Variants in ZNF140 observed in about 807,000 individuals in gnomAD.
ZNF140 encodes zinc finger protein 140 (clone pHZ-39).
Under a neutral mutation model 12.9 loss-of-function variants are expected in ZNF140, and 13 were observed. That is an observed-to-expected ratio of 1.01 (90% confidence interval 0.66 to 1.60). ZNF140 has a LOEUF of 1.60. Among genes scored for constraint, ZNF140 ranks in the 40% most tolerant of loss-of-function variants. The probability of loss-of-function intolerance (pLI) is 0.00; values close to 1 mark genes in which losing one functional copy is unlikely to be tolerated. For synonymous variants in ZNF140, 214 were observed against 186.7 expected, an observed-to-expected ratio of 1.15 and a Z score of -1.19; for missense variants, 531 against 548.8, an observed-to-expected ratio of 0.97 and a Z score of 0.32.
intron 4 of ZNF140, among the ~76,000 whole-genome samples, chr12:133,089,242 T>G (rs1417979577): frequency 2.6e-5 from 4 of 151,966 alleles, no homozygotes; most frequent in Non-Finnish European, 4.4e-5. Context: ...AGGCAGGGTC[T>G]CACTCTGTTG....
At chr12:133,098,014 A>C (rs1955199245) in intron 4 of ZNF140, among the ~76,000 whole-genome samples, 1 of 152,066 alleles carries the variant, frequency 6.6e-6, no homozygotes, top group Non-Finnish European at 1.5e-5. Flanking sequence ...TTGTATTTTT[A>C]GTAGAGACGG....
At chr12:133,093,275 G>T (rs886392667) in intron 4 of ZNF140, 1 of 577,848 alleles carries the variant, frequency 1.7e-6, no homozygotes, top group African/African-American at 1.9e-5. Context: ...AATTAAGGGT[G>T]GGAAAGGCAC....
rs1491393778 is a variant in ZNF140 at position 133,097,818 on chromosome 12, CAT to C, written c.233-7691_233-7690del. ...ATATGCATGAGGCACCACATCTAAC[CAT>C]GTGTGTGTGTGTGTGTGTGTGTGTG... On this transcript the variant is annotated intron_variant, in intron 4 of 4. Coordinates refer to ENST00000355557, the MANE Select transcript of ZNF140 (RefSeq NM_003440.4). Among the ~76,000 whole-genome samples, 67 of 106,584 alleles carry C rather than the reference CAT, an allele frequency of 6.3e-4. No individual in the cohort carries two copies. The East Asian group carries it at 9.5e-3, about 15-fold the overall frequency. 69.9% of individuals were successfully genotyped at this position (106,584 alleles called of 152,430 possible).
At chr12:133,097,768 C>T (rs1955181667) in intron 4 of ZNF140, among the ~76,000 whole-genome samples, 1 of 151,686 alleles carries the variant, frequency 6.6e-6, no homozygotes, top group South Asian at 2.1e-4. Context: ...ATCCTTTTGC[C>T]TCAGTCTCCC....
At chr12:133,101,635 G>A (rs1955353816) in intron 4 of ZNF140, among the ~76,000 whole-genome samples, 2 of 152,090 alleles carry the variant, frequency 1.3e-5, no homozygotes, top group South Asian at 2.1e-4. Flanking sequence ...TAGTAGAGAC[G>A]GGTTTCACTG....
chr12:133,092,759 G>C (rs1954936475), intron 4 of ZNF140, among the ~76,000 whole-genome samples: 1 of 151,202 alleles, frequency 6.6e-6, no homozygotes, highest in Non-Finnish European at 1.5e-5. Flanking sequence ...TGGAGCCTGT[G>C]AACATGAGTG....
chr12:133,090,281 G>C (rs1311593114), intron 4 of ZNF140, among the ~76,000 whole-genome samples: 2 of 151,916 alleles, frequency 1.3e-5, no homozygotes, highest in African/African-American at 4.8e-5. Flanking sequence ...TATAAGTACC[G>C]ACACATGCCA....
At chr12:133,093,088 C>T (rs1954948091) in intron 4 of ZNF140, among the ~76,000 whole-genome samples, 2 of 151,222 alleles carry the variant, frequency 1.3e-5, no homozygotes, top group Admixed American at 1.3e-4. Context: ...GGATTGTAGG[C>T]ATTAAGCATC....
chr12:133,095,955 T>G (rs1441493507), intron 4 of ZNF140, among the ~76,000 whole-genome samples: 1 of 151,246 alleles, frequency 6.6e-6, no homozygotes, highest in Non-Finnish European at 1.5e-5. Flanking sequence ...AGACATTCAG[T>G]TCCCAGGGGC....
chr12:133,105,442 G>C (rs938669017), intron 4 of ZNF140, 68 bp from the exon 5 acceptor site: 297 of 1,439,140 alleles, frequency 2.1e-4, no homozygotes, highest in Admixed American at 4.2e-4. Flanking sequence ...GCTAAAGAAG[G>C]GAGAAATGGC....
chr12:133,107,208 T>C lies in ZNF140; in HGVS notation c.*557T>C, dbSNP rs1488325612. On this transcript the variant is annotated 3_prime_UTR_variant, in exon 5 of 5. Coordinates refer to ENST00000355557, the MANE Select transcript of ZNF140 (RefSeq NM_003440.4). ...GAGAAAAAGCAACTGTATAAATGAA[T>C]GTAGAGTGACTTTCTGCAATATTTC... 2 of 152,414 alleles carry C rather than the reference T, an allele frequency of 1.3e-5. No homozygotes were observed. The highest frequency in any genetic ancestry group is 2.9e-5 in the Non-Finnish European group (2 of 68,084). The allele number at this position is 152,414 out of a possible 1,614,324, so 9.4% of individuals were successfully genotyped here. A position where few individuals can be genotyped will look rare whatever the true frequency, so the allele number is the denominator to read the frequency against.
At chr12:133,102,806 G>C (rs929609759) in intron 4 of ZNF140, among the ~76,000 whole-genome samples, 6 of 151,932 alleles carry the variant, frequency 3.9e-5, no homozygotes, top group Non-Finnish European at 5.9e-5. Flanking sequence ...AATAAGTACT[G>C]AGTTTCCTCA....
At chr12:133,088,947 G>A (rs2137505609) in intron 4 of ZNF140, among the ~76,000 whole-genome samples, 1 of 152,236 alleles carries the variant, frequency 6.6e-6, no homozygotes, top group African/African-American at 2.4e-5. Flanking sequence ...TTTATACATT[G>A]TTGGATTAAA....
At chr12:133,085,981 T>C (rs1954664001) in intron 4 of ZNF140, among the ~76,000 whole-genome samples, 1 of 152,242 alleles carries the variant, frequency 6.6e-6, no homozygotes, top group African/African-American at 2.4e-5. Context: ...ATTGTGCCAC[T>C]GCACTCCAGC....
At chr12:133,099,357 A>AG (rs1593791822) in intron 4 of ZNF140, among the ~76,000 whole-genome samples, 1 of 151,782 alleles carries the variant, frequency 6.6e-6, no homozygotes, top group African/African-American at 2.4e-5. Flanking sequence ...TTGTATTTTT[A>AG]GTAGAGACGG....
chr12:133,101,627 G>A (rs1252863918), intron 4 of ZNF140, among the ~76,000 whole-genome samples: 3 of 151,992 alleles, frequency 2.0e-5, no homozygotes, highest in Admixed American at 1.3e-4. Flanking sequence ...TGTATTTTTA[G>A]TAGAGACGGG....
chr12:133,082,822 A>G (rs1954548214), intron 2 of ZNF140: 2 of 264,366 alleles, frequency 7.6e-6, no homozygotes, highest in East Asian at 7.1e-5. Flanking sequence ...TTTACAACCA[A>G]TGCCAAAAAT....
intron 2 of ZNF140, chr12:133,081,731 GCCT>G: frequency 2.9e-6 from 1 of 341,482 alleles, no homozygotes; most frequent in Non-Finnish European, 5.9e-6. Flanking sequence ...CTGTTACATC[GCCT>G]CCTCTTTCCC....
chr12:133,104,503 C>T (rs976869989), intron 4 of ZNF140, among the ~76,000 whole-genome samples: 36 of 152,148 alleles, frequency 2.4e-4, no homozygotes, highest in African/African-American at 6.7e-4. Context: ...AGGTGCATGC[C>T]ATCACGCCTG....
Sources: allele counts gnomAD v4.1 joint callset (sites outside exome capture counted in the v4.1 genomes callset), GRCh38; gene constraint gnomAD v4.1.1; transcripts MANE v1.5; gene names NCBI Gene and HGNC (gene_info 2026-07-23, HGNC 2026-07-21).